NUP54: variants seen among roughly 807,000 people sequenced by gnomAD.
NUP54 encodes the protein nucleoporin 54.
In NUP54, 27 loss-of-function variants were observed where a neutral mutation model predicts 66.4. That is an observed-to-expected ratio of 0.41 (90% confidence interval 0.30 to 0.56). NUP54 has a LOEUF of 0.56. Among genes scored for constraint, NUP54 ranks in the 20% least tolerant of loss-of-function variants. The pLI is 0.34. For missense variants in NUP54, 486 were observed against 596.3 expected (o/e 0.82, Z 1.93); for synonymous variants, 206 against 210.7 (o/e 0.98, Z 0.19).
intron 1 of NUP54, chr4:76,147,983 G>A: frequency 2.9e-6 from 1 of 347,126 alleles, no homozygotes; most frequent in Middle Eastern, 7.8e-4. Flanking sequence ...CAGAGGGGAG[G>A]GAGGTTCTCG....
intron 11 of NUP54, among the ~76,000 whole-genome samples, chr4:76,117,221 G>A (rs1729987636): frequency 6.6e-6 from 1 of 152,022 alleles, no homozygotes. Flanking sequence ...CTTCTTCAAG[G>A]TCAAATTGCA....
At chr4:76,134,788 T>C (rs1223605499) in intron 4 of NUP54, among the ~76,000 whole-genome samples, 1 of 152,130 alleles carries the variant, frequency 6.6e-6, no homozygotes, top group Non-Finnish European at 1.5e-5. Flanking sequence ...TACGCATTCA[T>C]ATATACATAC....
rs1408947650 is a variant in NUP54, at chr4:76,147,830, AACCCCAC to A, written c.67+471_67+477del. ...GCAGATGGAAGAAGCATGACGGATA[AACCCCAC>A]AGCGAGGACCACAGGGGGCCGGGGG... On this transcript the variant is annotated intron_variant, in intron 1 of 11. Coordinates refer to ENST00000264883, the MANE Select transcript of NUP54 (RefSeq NM_017426.4). The A allele has an allele frequency of 1.1e-5, 4 of 362,554 alleles. 1 individual carries two copies. The highest frequency in any genetic ancestry group is 2.1e-5 in the Non-Finnish European group (4 of 191,202). 22.5% of individuals were successfully genotyped at this position (362,554 alleles called of 1,614,324 possible).
chr4:76,131,748 T>TAATATTTTATTTTGAGTC (rs1730812646), intron 6 of NUP54, among the ~76,000 whole-genome samples: 1 of 152,084 alleles, frequency 6.6e-6, no homozygotes, highest in Non-Finnish European at 1.5e-5. Flanking sequence ...ATATCTAACA[T>TAATATTTTATTTTGAGTC]ACATAATATT....
At chr4:76,120,910 T>C (rs1730208602) in intron 9 of NUP54, among the ~76,000 whole-genome samples, 1 of 152,094 alleles carries the variant, frequency 6.6e-6, no homozygotes, top group African/African-American at 2.4e-5. Flanking sequence ...ATAATATGAA[T>C]ATGAACACTA....
chr4:76,115,465 G>A lies in NUP54; in HGVS notation c.1425C>T (p.Ser475=). ...CGTCTTTAATGATGCTAATCAAATG[G>A]CTAAGGCCTTCCTGTTGTTGTTTCA... is the stretch of plus-strand genomic sequence containing the variant. ...QHLKQQQEGL[S]HLISIIKDDL... Residue 475 remains serine, a synonymous_variant, in exon 12 of 12, where the codon AGC becomes AGT. Coordinates refer to ENST00000264883, the MANE Select transcript of NUP54 (RefSeq NM_017426.4). The A allele has an allele frequency of 6.2e-7, 1 of 1,608,004 alleles. No individual in the cohort carries two copies.
intron 8 of NUP54, among the ~76,000 whole-genome samples, chr4:76,129,037 T>A (rs1730664734): frequency 6.6e-6 from 1 of 152,212 alleles, no homozygotes; most frequent in African/African-American, 2.4e-5. Context: ...GTAACTATAA[T>A]TCACAACCAT....
chr4:76,117,109 C>A (rs1365448654), intron 11 of NUP54, among the ~76,000 whole-genome samples: 1 of 152,172 alleles, frequency 6.6e-6, no homozygotes, highest in African/African-American at 2.4e-5. Context: ...CACACCCTGG[C>A]AACCACCTTT....
chr4:76,130,038 T>C (rs1214841204), intron 8 of NUP54, among the ~76,000 whole-genome samples: 1 of 127,474 alleles, frequency 7.8e-6, no homozygotes, highest in Admixed American at 9.8e-5. Context: ...TGGAGTGCAG[T>C]GGCACGATTT....
chr4:76,144,108 C>T, intron 3 of NUP54, 41 bp downstream of exon 3: 1 of 1,604,528 alleles, frequency 6.2e-7, no homozygotes, highest in Non-Finnish European at 8.5e-7. Context: ...CAGCTAGTAT[C>T]ATCACGGTTT....
chr4:76,139,493 T>C lies in NUP54; in HGVS notation c.296-3081A>G, dbSNP rs114921294. On this transcript the variant is annotated intron_variant, in intron 3 of 11. Coordinates refer to ENST00000264883, the MANE Select transcript of NUP54 (RefSeq NM_017426.4). ...AATGGGGGGCATTTAACAAGACAAC[T>C]GGAAAATTCATGAGGGAAAAAACAG... 1.8e-3 allele frequency among the ~76,000 whole-genome samples: 273 copies of C among 152,160 alleles called. 4 individuals carry two copies. Among genetic ancestry groups the C allele is most frequent in the African/African-American group, 6.5e-3 (268 of 41,498 alleles).
intron 6 of NUP54, 33 bp downstream of exon 6, chr4:76,132,490 T>C (rs770818319): frequency 5.4e-6 from 8 of 1,494,894 alleles, no homozygotes; most frequent in Non-Finnish European, 5.4e-6. Flanking sequence ...AAATCTTTCT[T>C]TTTTTTTGAA....
At chr4:76,127,432 CAAAAAAAAAA>C (rs59383944) in intron 8 of NUP54, among the ~76,000 whole-genome samples, 3 of 54,786 alleles carry the variant, frequency 5.5e-5, no homozygotes, top group African/African-American at 2.1e-4. Flanking sequence ...ACCCCCATCT[CAAAAAAAAAA>C]AAAAAAAAAA....
intron 3 of NUP54, 60 bp from the exon 4 acceptor site, chr4:76,136,472 C>A: frequency 7.0e-7 from 1 of 1,419,112 alleles, no homozygotes; most frequent in Non-Finnish European, 9.8e-7. Context: ...TAATCCAGAT[C>A]CTAGGCGTGG....
chr4:76,121,598 G>A (rs1251019383), intron 9 of NUP54, among the ~76,000 whole-genome samples: 1 of 152,166 alleles, frequency 6.6e-6, no homozygotes, highest in Admixed American at 6.5e-5. Flanking sequence ...CTGAGTAGCT[G>A]TGACTATAGG....
chr4:76,140,984 G>A (rs1039850564), intron 3 of NUP54, among the ~76,000 whole-genome samples: 10 of 152,182 alleles, frequency 6.6e-5, no homozygotes, highest in African/African-American at 2.4e-4. Flanking sequence ...ATCAGTTGTC[G>A]AAAGATCCAA....
At chr4:76,123,054 G>C (rs1475232539) in intron 9 of NUP54, among the ~76,000 whole-genome samples, 1 of 152,216 alleles carries the variant, frequency 6.6e-6, no homozygotes, top group Non-Finnish European at 1.5e-5. Context: ...CAGATTTGCA[G>C]TGAAACGGGG....
chr4:76,136,075 T>C (rs1731025772), intron 4 of NUP54, 111 bp downstream of exon 4: 2 of 731,300 alleles, frequency 2.7e-6, no homozygotes, highest in Non-Finnish European at 4.6e-6. Context: ...AGTATAATCA[T>C]ACCATGTTCA....
chr4:76,144,610 G>C, intron 1 of NUP54, 137 bp from the exon 2 acceptor site: 1 of 636,204 alleles, frequency 1.6e-6, no homozygotes, highest in Non-Finnish European at 2.6e-6. Flanking sequence ...CTACTTTCAA[G>C]ATCAATTTTT....
Sources: gnomAD v4.1 joint callset for allele counts (sites outside exome capture counted in the v4.1 genomes callset) on GRCh38, gnomAD v4.1.1 for gene constraint, MANE v1.5 for transcripts, NCBI Gene and HGNC (gene_info 2026-07-23, HGNC 2026-07-21) for gene names.